The following XIRP2 variants were observed in gnomAD, a reference collection of about 807,000 sequenced individuals.
The protein encoded by XIRP2 is xin actin binding repeat containing 2, also known as xin actin-binding repeat-containing protein 2.
Under a neutral mutation model 277.0 loss-of-function variants are expected in XIRP2, and 236 were observed. The ratio of observed to expected loss-of-function variants is 0.85; its 90% confidence interval spans 0.77 to 0.95. XIRP2 has a LOEUF of 0.95. XIRP2 is among the 40% of genes least tolerant of loss of function. The pLI is 0.00. For missense variants in XIRP2, 4,640 were observed against 4,157.5 expected, an observed-to-expected ratio of 1.12 and a Z score of -3.19; for synonymous variants, 1,490 against 1,416.5, an observed-to-expected ratio of 1.05 and a Z score of -1.17.
At chr2:167,135,627 C>A (rs1691522268) in intron 2 of XIRP2, among the ~76,000 whole-genome samples, 1 of 151,906 alleles carries the variant, frequency 6.6e-6, no homozygotes, top group South Asian at 2.1e-4. Context: ...GTATTGTGAC[C>A]CTTATTTCCA....
intron 2 of XIRP2, among the ~76,000 whole-genome samples, chr2:167,059,707 C>G (rs929395394): frequency 2.6e-5 from 4 of 152,144 alleles, no homozygotes; most frequent in Non-Finnish European, 5.9e-5. Flanking sequence ...ACTTAGGGCT[C>G]TTACTGTGTC....
At chr2:166,900,258 T>C (rs1055953475) in intron 1 of XIRP2, among the ~76,000 whole-genome samples, 1 of 152,086 alleles carries the variant, frequency 6.6e-6, no homozygotes, top group Non-Finnish European at 1.5e-5. Flanking sequence ...GCCCTTTTCA[T>C]TTTGCTAAGT....
In XIRP2 at chr2:167,250,711, A is replaced by T. The variant is rs746354632; in HGVS notation, c.9319A>T (p.Ser3107Cys). 13 of 1,613,550 alleles carry T rather than the reference A, an allele frequency of 8.1e-6. No homozygotes were observed. The highest frequency in any genetic ancestry group is 2.2e-5 in the East Asian group (1 of 44,814). ...CCATCAGGAAATTAAACTTGATGATAGCAACATTCCTCCTCCCTCTTTAAA... is the reference window on the plus strand; with the variant it reads ...CCATCAGGAAATTAAACTTGATGATTGCAACATTCCTCCTCCCTCTTTAAA... Reference protein sequence around the residue: ...KTHQEIKLDDSNIPPPSLKTR... With the variant: ...KTHQEIKLDDCNIPPPSLKTR... The change falls in exon 9 of 11, where the codon AGC becomes TGC. Residue 3107 changes from serine to cysteine, a missense_variant. Coordinates refer to ENST00000409195, the MANE Select transcript of XIRP2 (RefSeq NM_152381.6).
intron 2 of XIRP2, among the ~76,000 whole-genome samples, chr2:166,997,628 C>T (rs1687258213): frequency 6.6e-6 from 1 of 152,072 alleles, no homozygotes; most frequent in East Asian, 1.9e-4. Context: ...CTTGGGGGGC[C>T]TGGCACAGTG....
intron 2 of XIRP2, among the ~76,000 whole-genome samples, chr2:167,060,024 G>T (rs1289729229): frequency 1.3e-5 from 2 of 152,148 alleles, no homozygotes; most frequent in Non-Finnish European, 1.5e-5. Context: ...TGAGCTGCCA[G>T]CTGAATGTAC....
intron 2 of XIRP2, among the ~76,000 whole-genome samples, chr2:167,007,844 T>C (rs910844425): frequency 1.3e-5 from 2 of 151,596 alleles, no homozygotes; most frequent in African/African-American, 4.8e-5. Flanking sequence ...TGTGTACATT[T>C]TTAAAATGTG....
At chr2:167,025,843 T>G (rs1325871131) in intron 2 of XIRP2, among the ~76,000 whole-genome samples, 1 of 152,092 alleles carries the variant, frequency 6.6e-6, no homozygotes, top group South Asian at 2.1e-4. Context: ...TTTCTGTTCT[T>G]TTACATTTGC....
Position 167,247,089 on chromosome 2 carries a change from T to A in XIRP2, c.5697T>A (p.Ile1899=). ...DAIPGDIEKA[I]ECLEKATNTK... is the part of the protein sequence containing the mutation. ...TCCCTGGTGATATTGAAAAAGCTAT[T>A]GAATGCCTTGAAAAAGCTACAAATA... Residue 1899 remains isoleucine (I), a synonymous_variant, in exon 9 of 11, where the codon ATT becomes ATA. Transcript: ENST00000409195. 6.2e-7 allele frequency: 1 copy of A among 1,612,658 alleles called. No individual in the cohort carries two copies. The highest frequency in any genetic ancestry group is 8.5e-7 in the Non-Finnish European group (1 of 1,179,568).
chr2:166,941,306 A>T (rs1005609755), intron 2 of XIRP2, among the ~76,000 whole-genome samples: 2 of 152,336 alleles, frequency 1.3e-5, no homozygotes, highest in East Asian at 1.9e-4. Flanking sequence ...GCACGGTATT[A>T]GGCTGGGAGT....
chr2:167,029,637 C>T (rs1250232772), intron 2 of XIRP2, among the ~76,000 whole-genome samples: 3 of 151,874 alleles, frequency 2.0e-5, no homozygotes, highest in Admixed American at 6.6e-5. Context: ...TTTGCATCGA[C>T]GTTCATCAGG....
chr2:166,924,112 T>A (rs554441336), intron 2 of XIRP2, among the ~76,000 whole-genome samples: 6 of 152,232 alleles, frequency 3.9e-5, no homozygotes, highest in Admixed American at 1.3e-4. Flanking sequence ...TATCTTCCTT[T>A]GGAGATGTTT....
intron 2 of XIRP2, among the ~76,000 whole-genome samples, chr2:167,125,341 T>G (rs1277898988): frequency 2.0e-5 from 3 of 152,180 alleles, no homozygotes; most frequent in African/African-American, 7.2e-5. Flanking sequence ...GTATTTTACC[T>G]CTCATGCCAT....
intron 2 of XIRP2, among the ~76,000 whole-genome samples, chr2:166,943,433 A>G (rs1685773704): frequency 6.6e-6 from 1 of 152,208 alleles, no homozygotes; most frequent in Admixed American, 6.5e-5. Flanking sequence ...ACTTTAAAAT[A>G]TCACTGTCTT....
In XIRP2 at chr2:167,239,958, C is replaced by A; in HGVS notation, c.962C>A (p.Thr321Lys). 2.5e-6 allele frequency: 4 copies of A among 1,593,798 alleles called. No homozygotes were observed. Among genetic ancestry groups the A allele is most frequent in the Non-Finnish European group, 2.6e-6 (3 of 1,174,664 alleles). Residue 321 changes from threonine (T) to lysine (K), a missense_variant, in exon 6 of 11, where the codon ACA (threonine) becomes AAA (lysine). Transcript: ENST00000409195. ...GTACAGAAAATTGATGTTCATGGAA[C>A]AGAAATGGTAACTATTTAGAAAGGC... ...SKVQKIDVHG[T>K]EMVSHLEKHT...
chr2:167,027,658 T>C (rs955846603), intron 2 of XIRP2, among the ~76,000 whole-genome samples: 6 of 152,100 alleles, frequency 3.9e-5, no homozygotes, highest in African/African-American at 1.4e-4. Context: ...TGGTCTTTGA[T>C]GATGGTGATG....
chr2:167,151,121 G>A (rs1692003801), intron 3 of XIRP2, among the ~76,000 whole-genome samples: 1 of 152,024 alleles, frequency 6.6e-6, no homozygotes, highest in African/African-American at 2.4e-5. Context: ...GTTTGCAAAG[G>A]AATTAATTCA....
intron 3 of XIRP2, among the ~76,000 whole-genome samples, chr2:167,146,272 G>T (rs1468423945): frequency 2.6e-5 from 4 of 152,154 alleles, no homozygotes; most frequent in African/African-American, 9.6e-5. Context: ...GGCTGAGGCA[G>T]GTGGATCACT....
chr2:167,054,879 A>C (rs956076923), intron 2 of XIRP2, among the ~76,000 whole-genome samples: 5 of 152,338 alleles, frequency 3.3e-5, no homozygotes, highest in African/African-American at 1.2e-4. Flanking sequence ...TATCTTTCCC[A>C]ATTAAAATAG....
intron 3 of XIRP2, among the ~76,000 whole-genome samples, chr2:167,173,910 G>A (rs920936415): frequency 6.6e-6 from 1 of 152,038 alleles, no homozygotes; most frequent in Admixed American, 6.5e-5. Context: ...CATTTGATAT[G>A]GTTTGGCTGT....
Sources: allele counts gnomAD v4.1 joint callset (sites outside exome capture counted in the v4.1 genomes callset), GRCh38; gene constraint gnomAD v4.1.1; transcripts MANE v1.5; gene names NCBI Gene and HGNC (gene_info 2026-07-23, HGNC 2026-07-21).